The following ADAMTS2 variants were observed in gnomAD, a reference collection of about 807,000 sequenced individuals.
ADAMTS2 encodes the protein A disintegrin and metalloproteinase with thrombospondin motifs 2.
ADAMTS2 carries 50 observed loss-of-function variants against 123.0 expected under a neutral mutation model. The ratio of observed to expected loss-of-function variants is 0.41; its 90% CI spans 0.32 to 0.51. ADAMTS2 has a LOEUF of 0.51. ADAMTS2 is among the 20% of genes least tolerant of loss of function. ADAMTS2 has a pLI of 0.35. For synonymous variants in ADAMTS2, 678 were observed against 695.4 expected (o/e 0.98, Z 0.39); for missense variants, 1,494 against 1,705.2 (o/e 0.88, Z 2.18).
At chr5:179,276,829 A>T (rs1766709981) in intron 2 of ADAMTS2, among the ~76,000 whole-genome samples, 1 of 152,180 alleles carries the variant, frequency 6.6e-6, no homozygotes, top group Admixed American at 6.5e-5. Context: ...CTTGCAGCCC[A>T]GGTCGGGAGC....
At chr5:179,160,585 C>G (rs1278607665) in intron 5 of ADAMTS2, among the ~76,000 whole-genome samples, 1 of 152,212 alleles carries the variant, frequency 6.6e-6, no homozygotes, top group African/African-American at 2.4e-5. Flanking sequence ...GATGGCAGAC[C>G]AATTCCCAAG....
intron 12 of ADAMTS2, 67 bp from the exon 13 acceptor site, chr5:179,136,109 G>A (rs1561772807): frequency 6.2e-7 from 1 of 1,611,714 alleles, no homozygotes. Context: ...TGCAAAGGAG[G>A]CACCAAGCAG....
In ADAMTS2 at chr5:179,329,238, A is replaced by C. The variant is rs533089723; in HGVS notation, c.534+14529T>G. Among the ~76,000 whole-genome samples the C allele has an allele frequency of 3.9e-5, 6 of 151,982 alleles. No individual in the cohort carries two copies. The East Asian group carries it at 1.2e-3, about 29-fold the overall frequency. On this transcript the variant is annotated intron_variant, in intron 2 of 21. Transcript: ENST00000251582. ...GCTACTCTTGAGGCTGAAGCAGGAG[A>C]ATGGCGTGAACCCAGGAGGCAGAGC... is the stretch of plus-strand genomic sequence containing the variant.
At chr5:179,198,399 C>T (rs888526637) in intron 4 of ADAMTS2, among the ~76,000 whole-genome samples, 1 of 152,212 alleles carries the variant, frequency 6.6e-6, no homozygotes. Flanking sequence ...AAGGGAGACC[C>T]CTCTGCCCTT....
At chr5:179,259,707 A>G (rs959108899) in intron 3 of ADAMTS2, among the ~76,000 whole-genome samples, 9 of 152,228 alleles carry the variant, frequency 5.9e-5, no homozygotes, top group African/African-American at 2.2e-4. Flanking sequence ...CGCCATCTGC[A>G]GTCTGGCATC....
chr5:179,191,857 A>G (rs1410658520), intron 4 of ADAMTS2, among the ~76,000 whole-genome samples: 1 of 152,118 alleles, frequency 6.6e-6, no homozygotes, highest in African/African-American at 2.4e-5. Flanking sequence ...GGCCTCAGGC[A>G]GCACATGGAT....
At chr5:179,199,012 G>A (rs902244173) in intron 4 of ADAMTS2, among the ~76,000 whole-genome samples, 2 of 152,110 alleles carry the variant, frequency 1.3e-5, no homozygotes, top group African/African-American at 4.8e-5. Context: ...CACAGAGAAC[G>A]GGAGTCTGAG....
chr5:179,166,190 C>G (rs1763691574), intron 5 of ADAMTS2, among the ~76,000 whole-genome samples: 1 of 152,162 alleles, frequency 6.6e-6, no homozygotes, highest in South Asian at 2.1e-4. Flanking sequence ...CACAGAGCTG[C>G]CCAGATGCAG....
intron 2 of ADAMTS2, among the ~76,000 whole-genome samples, chr5:179,294,232 G>T (rs1241718077): frequency 6.6e-6 from 1 of 152,076 alleles, no homozygotes; most frequent in East Asian, 1.9e-4. Flanking sequence ...CTCCAGCCTG[G>T]GTAACAGAAA....
At chr5:179,183,635 T>A (rs1475524113) in intron 4 of ADAMTS2, among the ~76,000 whole-genome samples, 2 of 152,174 alleles carry the variant, frequency 1.3e-5, no homozygotes, top group African/African-American at 2.4e-5. Context: ...CAGAGACACA[T>A]GGGCAAGATA....
At chr5:179,293,636 T>G (rs1384379063) in intron 2 of ADAMTS2, among the ~76,000 whole-genome samples, 1 of 151,910 alleles carries the variant, frequency 6.6e-6, no homozygotes, top group Non-Finnish European at 1.5e-5. Flanking sequence ...TTTCTCAAGA[T>G]GGAGTCTTGC....
intron 3 of ADAMTS2, among the ~76,000 whole-genome samples, chr5:179,220,325 T>C (rs917600151): frequency 2.6e-5 from 4 of 152,094 alleles, no homozygotes; most frequent in Admixed American, 6.5e-5. Flanking sequence ...ACGGGACCCA[T>C]GTGGCCGGAG....
Position 179,201,000 on chromosome 5 carries a change from C to T in ADAMTS2, c.891+6513G>A, listed in dbSNP as rs184670570. On this transcript the variant is annotated intron_variant, in intron 4 of 21. Coordinates refer to ENST00000251582, the MANE Select transcript of ADAMTS2 (RefSeq NM_014244.5). ...AAAATAATCTCTGTTTACAAATACA[C>T]GTATATTTTTAAATGCAGGCTCATT... Among the ~76,000 whole-genome samples the T allele has an allele frequency of 1.1e-3, 172 of 152,256 alleles. 1 individual carries two copies. Among genetic ancestry groups the T allele is most frequent in the South Asian group, 2.3e-3 (11 of 4,812 alleles).
chr5:179,320,717 G>A (rs1757145397), intron 2 of ADAMTS2, among the ~76,000 whole-genome samples: 1 of 152,188 alleles, frequency 6.6e-6, no homozygotes, highest in South Asian at 2.1e-4. Flanking sequence ...CCCAGCCTAG[G>A]CCAGGTAGAA....
chr5:179,199,869 C>T (rs1055969306), intron 4 of ADAMTS2, among the ~76,000 whole-genome samples: 1 of 152,164 alleles, frequency 6.6e-6, no homozygotes, highest in Non-Finnish European at 1.5e-5. Flanking sequence ...AGCCATCGCA[C>T]AATTTAAAGA....
At chr5:179,150,483 G>A (rs1002091861) in intron 10 of ADAMTS2, among the ~76,000 whole-genome samples, 6 of 152,190 alleles carry the variant, frequency 3.9e-5, no homozygotes, top group Non-Finnish European at 5.9e-5. Context: ...TGTTCACAGC[G>A]GCGTGACTCA....
In ADAMTS2 at chr5:179,132,349, G is replaced by T. The variant is rs751059041; in HGVS notation, c.2210-39C>A. 6.3e-7 allele frequency: 1 copy of T among 1,597,152 alleles called. No individual in the cohort carries two copies. Among genetic ancestry groups the T allele is most frequent in the Non-Finnish European group, 8.6e-7 (1 of 1,165,572 alleles). On this transcript the variant is annotated intron_variant, in intron 14 of 21. Transcript: ENST00000251582. The surrounding 1 kb of genome is among the most constrained non-coding windows in gnomAD (Gnocchi z 6.1). ...GGAAAGACACAGAAAACTGAGAAGGGAAGGCGCCGCTCAAATTCGCACCAT... is the reference window on the plus strand; with the variant it reads ...GGAAAGACACAGAAAACTGAGAAGGTAAGGCGCCGCTCAAATTCGCACCAT...
intron 4 of ADAMTS2, among the ~76,000 whole-genome samples, chr5:179,196,374 G>C (rs1031378026): frequency 1.2e-4 from 19 of 152,334 alleles, no homozygotes; most frequent in African/African-American, 4.6e-4. Context: ...ATAGGCCTAG[G>C]AGCGTGTCTG....
chr5:179,267,949 G>A (rs907468958), intron 3 of ADAMTS2, among the ~76,000 whole-genome samples: 8 of 152,166 alleles, frequency 5.3e-5, no homozygotes, highest in African/African-American at 1.9e-4. Flanking sequence ...GCTGTCTCTC[G>A]TACCCGGGTC....
Sources: gnomAD v4.1 joint callset for allele counts (sites outside exome capture counted in the v4.1 genomes callset) on GRCh38, gnomAD v4.1.1 for gene constraint, Gnocchi (gnomAD v3.1) non-coding constraint, MANE v1.5 for transcripts, NCBI Gene and HGNC (gene_info 2026-07-23, HGNC 2026-07-21) for gene names.